Variants in SPTB observed in about 807,000 individuals in gnomAD.
SPTB encodes spectrin beta chain, erythrocytic.
Under a neutral mutation model 256.2 loss-of-function variants are expected in SPTB, and 45 were observed. That is an observed-to-expected ratio of 0.18 (90% CI 0.14 to 0.23). SPTB has a LOEUF of 0.23. SPTB is among the 10% of genes least tolerant of loss of function. The pLI, the probability that SPTB is intolerant of heterozygous loss-of-function variation, is 1.00. For synonymous variants in SPTB, 1,231 were observed against 1,243.1 expected (o/e 0.99, Z 0.21); for missense variants, 2,715 against 3,040.4 (o/e 0.89, Z 2.52).
rs774965886 is a variant in SPTB, at chr14:64,790,943, C to T, written c.2804+776G>A. Among the ~76,000 whole-genome samples the T allele has an allele frequency of 2.1e-4, 32 of 152,346 alleles. No homozygotes were observed. The highest frequency in any genetic ancestry group is 9.8e-4 in the Admixed American group (15 of 15,306). ...CTTAAGGCTCCCTGCTAATTCTCCTCTTCCTTCAAGCCAGCCTCATTATCG... is the reference window on the plus strand; with the variant it reads ...CTTAAGGCTCCCTGCTAATTCTCCTTTTCCTTCAAGCCAGCCTCATTATCG... On this transcript the variant is annotated intron_variant, in intron 15 of 35. Transcript: ENST00000644917. This position sits in a 1 kb window ranked among gnomAD's most constrained non-coding sequence, Gnocchi z 4.8.
intron 1 of SPTB, among the ~76,000 whole-genome samples, chr14:64,865,171 C>G (rs534925328): frequency 1.3e-5 from 2 of 152,164 alleles, no homozygotes; most frequent in South Asian, 4.2e-4. Flanking sequence ...TTCCCACCGT[C>G]TTACAGACAG....
At position 64,750,114 on chromosome 14, in the gene SPTB, G is replaced by C. The variant is rs1427006989; in HGVS notation, c.6643C>G (p.Leu2215Val). ...TTCTTGGCATCCTTGTAGAAGGTTAGCTCACTGTTCCTGAGCACACAGTAC... is the reference window on the plus strand; with the variant it reads ...TTCTTGGCATCCTTGTAGAAGGTTACCTCACTGTTCCTGAGCACACAGTAC... ...NLYCVLRNSE[L>V]TFYKDAKNLA... is the part of the protein sequence containing the mutation. The change falls in exon 34 of 36, where the codon CTA becomes GTA. Residue 2215 changes from leucine (L) to valine (V), a missense_variant. Coordinates refer to ENST00000644917, the MANE Select transcript of SPTB (RefSeq NM_001355436.2). The C allele has an allele frequency of 1.2e-6, 2 of 1,614,150 alleles. No homozygotes were observed. The highest frequency in any genetic ancestry group is 2.2e-5 in the East Asian group (1 of 44,886).
At chr14:64,774,728 C>T (rs146995777) in intron 23 of SPTB, among the ~76,000 whole-genome samples, 192 of 152,250 alleles carry the variant, frequency 1.3e-3, no homozygotes, top group Non-Finnish European at 2.3e-3. Flanking sequence ...CTCTGGACTC[C>T]CCTGATTCGT....
At chr14:64,860,177 C>CA (rs1566807591) in intron 1 of SPTB, among the ~76,000 whole-genome samples, 1 of 152,182 alleles carries the variant, frequency 6.6e-6, no homozygotes, top group Non-Finnish European at 1.5e-5. Context: ...GGCAATCCCC[C>CA]AGTGACATGA....
chr14:64,777,202 A>C lies in SPTB; in HGVS notation c.4564-1799T>G, dbSNP rs1306031882. Among the ~76,000 whole-genome samples the C allele has an allele frequency of 6.6e-6, 1 of 152,180 alleles. No individual in the cohort carries two copies. The highest frequency in any genetic ancestry group is 6.5e-5 in the Admixed American group (1 of 15,284). The stretch of plus-strand genomic sequence containing the variant: ...CTGGCAAGAGGACTGAACAAGTGCA[A>C]AGGCTCTGGGGTGGACATGAGCTGG... On this transcript the variant is annotated intron_variant, in intron 22 of 35. Transcript: ENST00000644917. This position sits in a 1 kb window ranked among gnomAD's most constrained non-coding sequence, Gnocchi z 4.5.
Position 64,779,279 on chromosome 14 carries a change from G to A in SPTB, c.4474-33C>T, listed in dbSNP as rs1485932075. 1 of 1,579,138 alleles carries A rather than the reference G, an allele frequency of 6.3e-7. No homozygotes were observed. Among genetic ancestry groups the A allele is most frequent in the South Asian group, 1.1e-5 (1 of 88,880 alleles). On this transcript the variant is annotated intron_variant, in intron 21 of 35. Coordinates refer to ENST00000644917, the MANE Select transcript of SPTB (RefSeq NM_001355436.2). The surrounding 1 kb of genome is among the most constrained non-coding windows in gnomAD (Gnocchi z 4.2). ...GACCAGGAGGCAGGAGAGAGCTGAT[G>A]ACAATCACGGCCAACCTTTCCTGAG...
In SPTB at chr14:64,750,083, G is replaced by A. The variant is rs1483333591; in HGVS notation, c.6674C>T (p.Ala2225Val). ...LTFYKDAKNL[A>V]LGMPYHGEEP... ...CTCCCCATGGTAGGGCATCCCCAGG[G>A]CCAGGTTCTTGGCATCCTTGTAGAA... Residue 2225 changes from alanine (A) to valine (V), a missense_variant, in exon 34 of 36, where the codon GCC (alanine) becomes GTC (valine). Around this residue, in one of 4 missense-constraint regions of SPTB, gnomAD observed 2,239 missense variants for 2,384.4 expected, o/e 0.94. Coordinates refer to ENST00000644917, the MANE Select transcript of SPTB (RefSeq NM_001355436.2). 4.3e-6 allele frequency: 7 copies of A among 1,614,048 alleles called. No homozygotes were observed. The highest frequency in any genetic ancestry group is 5.9e-6 in the Non-Finnish European group (7 of 1,180,032).
rs1469177099 is a variant in SPTB at position 64,795,434 on chromosome 14, A to T, written c.1547T>A (p.Leu516Gln). Residue 516 changes from leucine to glutamine, a missense_variant, in exon 12 of 36, where the codon CTG becomes CAG. Leu to Gln is a moderately radical substitution (Grantham distance 113). Transcript: ENST00000644917. The surrounding 1 kb of genome is among the most constrained non-coding windows in gnomAD (Gnocchi z 6.5). ...GAGCCTCTGGCGCCGGGACTGCAGC[A>T]GCTCCTGCAGGTAGCTCCATAGGCG... ...ILRLWSYLQE[L>Q]LQSRRQRLET... 2.5e-6 allele frequency: 4 copies of T among 1,614,100 alleles called. No homozygotes were observed. Among genetic ancestry groups the T allele is most frequent in the Non-Finnish European group, 3.4e-6 (4 of 1,180,046 alleles).
Position 64,761,965 on chromosome 14 carries a change from G to A in SPTB, c.6345+4761C>T, listed in dbSNP as rs79509315. Among the ~76,000 whole-genome samples, 973 of 152,260 alleles carry A rather than the reference G, an allele frequency of 6.4e-3. 6 individuals are homozygous for A. The highest frequency in any genetic ancestry group is 0.015 in the African/African-American group (632 of 41,540). On this transcript the variant is annotated intron_variant, in intron 32 of 35. Transcript: ENST00000644917. ...AGTATCTAGGATGTTCTGAAACACA[G>A]CTGGAAAGGAAGAACTTAGGAAGAG...
chr14:64,849,043 T>A (rs766917382), intron 1 of SPTB, among the ~76,000 whole-genome samples: 53 of 152,366 alleles, frequency 3.5e-4, no homozygotes, highest in Non-Finnish European at 5.9e-4. Context: ...AAGATTTTTT[T>A]AAATAATTAA....
At chr14:64,767,892 A>G in intron 29 of SPTB, 33 bp from the exon 30 acceptor site, 2 of 1,609,784 alleles carry the variant, frequency 1.2e-6, no homozygotes, top group Non-Finnish European at 1.7e-6. Context: ...GACCCCCCAC[A>G]AGGCCCAGGG....
At position 64,793,419 on chromosome 14, in the gene SPTB, G is replaced by A. The variant is rs776875896; in HGVS notation, c.2244C>T (p.Phe748=). 97 of 1,613,708 alleles carry A rather than the reference G, an allele frequency of 6.0e-5. No homozygotes were observed. The highest frequency in any genetic ancestry group is 8.2e-5 in the Non-Finnish European group (97 of 1,180,040). The part of the protein sequence containing the change: ...NLQDAENFFQ[F]QGDADDLKAW... ...CCTTCAGGTCATCCGCATCGCCCTG[G>A]AACTGGAAAAAGTTCTCAGCATCCT... Residue 748 remains phenylalanine (F), a synonymous_variant, in exon 14 of 36, where the codon TTC becomes TTT. Transcript: ENST00000644917. The surrounding 1 kb of genome is among the most constrained non-coding windows in gnomAD (Gnocchi z 7.0).
rs1311263389 is a variant in SPTB at position 64,772,927 on chromosome 14, C to T, written c.5206G>A (p.Ala1736Thr). 6.2e-7 allele frequency: 1 copy of T among 1,603,126 alleles called. No individual in the cohort carries two copies. Among genetic ancestry groups the T allele is most frequent in the Non-Finnish European group, 8.5e-7 (1 of 1,173,760 alleles). Residue 1736 changes from alanine to threonine, a missense_variant, in exon 26 of 36, where the codon GCC becomes ACC. Around this residue, in one of 4 missense-constraint regions of SPTB, gnomAD observed 2,239 missense variants for 2,384.4 expected, o/e 0.94. Transcript: ENST00000644917. This position sits in a 1 kb window ranked among gnomAD's most constrained non-coding sequence, Gnocchi z 5.4. The part of the protein sequence containing the change: ...TLLRDKFRDF[A>T]RETGAIGQER... Reference sequence around the variant, plus strand: ...TGCCCAATCGCCCCGGTCTCCCGGGCAAAGTCCCGGAACTTGTCCCGCAGA... The same window carrying T: ...TGCCCAATCGCCCCGGTCTCCCGGGTAAAGTCCCGGAACTTGTCCCGCAGA...
intron 32 of SPTB, among the ~76,000 whole-genome samples, chr14:64,765,908 G>GT (rs1566740627): frequency 6.0e-5 from 9 of 149,986 alleles, no homozygotes; most frequent in African/African-American, 2.0e-4. Flanking sequence ...TGTGTGTGTG[G>GT]GGGTGTGGTG....
In SPTB at chr14:64,782,409, G is replaced by T. The variant is rs367610564; in HGVS notation, c.4147C>A (p.Leu1383Met). 88 of 1,614,076 alleles carry T rather than the reference G, an allele frequency of 5.5e-5. 1 individual carries two copies. In the South Asian group the frequency reaches 6.3e-4, roughly 11 times the overall value. ...AGGTCAGCATGGGTCTGCAAGCGCA[G>T]GTCGGAGCTCCTGGCAGCCGAGAGG... is the stretch of plus-strand genomic sequence containing the variant. ...QHLSAARSSD[L>M]RLQTHADLNK... The change falls in exon 20 of 36, where the codon CTG becomes ATG. Residue 1383 changes from leucine (L) to methionine (M), a missense_variant. Leu to Met is a conservative substitution (Grantham distance 15, BLOSUM62 2). Around this residue, in one of 4 missense-constraint regions of SPTB, gnomAD observed 2,239 missense variants for 2,384.4 expected, o/e 0.94. Transcript: ENST00000644917.
intron 1 of SPTB, among the ~76,000 whole-genome samples, chr14:64,857,792 T>C (rs1165202238): frequency 2.0e-5 from 3 of 152,140 alleles, no homozygotes; most frequent in African/African-American, 7.2e-5. Flanking sequence ...ATGTTCAAAA[T>C]TGTAAATCAT....
At chr14:64,788,299 C>T (rs1483675616) in intron 15 of SPTB, among the ~76,000 whole-genome samples, 1 of 152,166 alleles carries the variant, frequency 6.6e-6, no homozygotes, top group Non-Finnish European at 1.5e-5. Context: ...TTGTACCCTG[C>T]CTCAGGGGAT....
At chr14:64,801,507 C>A in intron 6 of SPTB, 107 bp from the exon 7 acceptor site, 2 of 911,724 alleles carry the variant, frequency 2.2e-6, no homozygotes, top group South Asian at 1.4e-5. Context: ...GGTGGTCAGG[C>A]AGGAGGAGTG....
At chr14:64,860,020 C>A (rs1426402366) in intron 1 of SPTB, among the ~76,000 whole-genome samples, 1 of 152,158 alleles carries the variant, frequency 6.6e-6, no homozygotes, top group African/African-American at 2.4e-5. Context: ...GTGCTTCCAA[C>A]TGAATAAAAT....
Sources: gnomAD v4.1 joint callset for allele counts (sites outside exome capture counted in the v4.1 genomes callset) on GRCh38, gnomAD v4.1.1 for gene constraint, gnomAD v4.1.1 regional missense constraint, Gnocchi (gnomAD v3.1) non-coding constraint, MANE v1.5 for transcripts, NCBI Gene and HGNC (gene_info 2026-07-23, HGNC 2026-07-21) for gene names.